Variants in TAF1 observed in about 807,000 individuals in gnomAD.
The protein encoded by TAF1 is TATA-box binding protein associated factor 1, also known as transcription initiation factor TFIID subunit 1.
Under a neutral mutation model 138.5 loss-of-function variants are expected in TAF1, and 2 were observed. The ratio of observed to expected loss-of-function variants is 0.01; its 90% CI spans 0.01 to 0.05. The LOEUF (loss-of-function observed/expected upper bound fraction) is 0.05, where lower values mean the gene tolerates loss of function less well. Among genes scored for constraint, TAF1 ranks in the 10% least tolerant of loss-of-function variants. The probability of loss-of-function intolerance (pLI) is 1.00; values close to 1 mark genes in which losing one functional copy is unlikely to be tolerated. For synonymous variants in TAF1, 437 were observed against 503.2 expected, an observed-to-expected ratio of 0.87 and a Z score of 1.76; for missense variants, 709 against 1,478.0, an observed-to-expected ratio of 0.48 and a Z score of 8.53.
chrX:71,405,462 T>C (rs1447975475), intron 25 of TAF1, among the ~76,000 whole-genome samples: 1 of 111,874 alleles, frequency 8.9e-6, no homozygotes, highest in Non-Finnish European at 1.9e-5. Context: ...GTGATTCTCC[T>C]GCCTTAGCCT....
chrX:71,392,740 G>T, intron 19 of TAF1, 22 bp downstream of exon 19: 1 of 1,189,026 alleles, frequency 8.4e-7, no homozygotes, highest in Non-Finnish European at 1.1e-6. Context: ...TTTATTTCTA[G>T]AATGAAAAAG....
intron 33 of TAF1, among the ~76,000 whole-genome samples, chrX:71,454,540 C>T (rs2038195879): frequency 9.0e-6 from 1 of 111,101 alleles, no homozygotes; most frequent in Non-Finnish European, 1.9e-5. Context: ...CCCTGATTAT[C>T]CTATTTTAAA....
intron 32 of TAF1, among the ~76,000 whole-genome samples, chrX:71,442,480 T>C (rs2037478212): frequency 8.9e-6 from 1 of 112,459 alleles, no homozygotes; most frequent in Non-Finnish European, 1.9e-5. Context: ...AAAGTGTCTG[T>C]TCATATCATT....
chrX:71,459,294 A>G (rs1371827302), intron 35 of TAF1: 1 of 1,117,089 alleles, frequency 9.0e-7, no homozygotes. Flanking sequence ...TTATGCCCTT[A>G]TATGATAGGA....
chrX:71,374,503 G>A, intron 3 of TAF1, among the ~76,000 whole-genome samples: 1 of 111,857 alleles, frequency 8.9e-6, no homozygotes, highest in Middle Eastern at 4.7e-3. Context: ...GTCTTGCTCT[G>A]TCACACGATT....
At chrX:71,381,075 C>T (rs1390163585) in intron 8 of TAF1, among the ~76,000 whole-genome samples, 1 of 111,938 alleles carries the variant, frequency 8.9e-6, no homozygotes, top group Non-Finnish European at 1.9e-5. Flanking sequence ...ATTACTATTA[C>T]GAATGTTTCA....
intron 13 of TAF1, among the ~76,000 whole-genome samples, chrX:71,511,639 C>G: frequency 8.9e-6 from 1 of 112,332 alleles, no homozygotes; most frequent in Non-Finnish European, 1.9e-5. Context: ...TCCAACAGTT[C>G]TCATCGTATC....
chrX:71,449,929 C>T (rs1469997011), intron 32 of TAF1, among the ~76,000 whole-genome samples: 3 of 111,151 alleles, frequency 2.7e-5, no homozygotes, highest in African/African-American at 6.5e-5. Context: ...CACACCACAA[C>T]GCCCAGCTAA....
intron 25 of TAF1, among the ~76,000 whole-genome samples, chrX:71,405,963 G>C (rs1265792062): frequency 8.9e-6 from 1 of 111,866 alleles, no homozygotes; most frequent in Non-Finnish European, 1.9e-5. Flanking sequence ...GCCCAAACTA[G>C]TTTGTTTTCT....
chrX:71,368,306 C>T, intron 3 of TAF1, 136 bp downstream of exon 3: 1 of 574,474 alleles, frequency 1.7e-6, no homozygotes, highest in Non-Finnish European at 2.7e-6. Context: ...CCTCCACTCC[C>T]TTTGTCAGGT....
intron 13 of TAF1, among the ~76,000 whole-genome samples, chrX:71,471,372 C>T (rs2038885190): frequency 9.5e-6 from 1 of 104,949 alleles, no homozygotes; most frequent in Non-Finnish European, 1.9e-5. Context: ...CACACACACA[C>T]ATGAATGGAA....
chrX:71,439,857 A>G (rs2037324815), intron 32 of TAF1, among the ~76,000 whole-genome samples: 1 of 112,135 alleles, frequency 8.9e-6, no homozygotes, highest in African/African-American at 3.2e-5. Context: ...GCTTCCTTCA[A>G]TGGCAATATC....
rs2038712174 is a variant in TAF1, at chrX:71,465,151, G to T, written c.*1105G>T. The T allele has an allele frequency of 9.0e-6, 1 of 111,615 alleles. No homozygotes were observed. The highest frequency in any genetic ancestry group is 3.3e-5 in the African/African-American group (1 of 30,677). 9.2% of individuals were successfully genotyped at this position (111,615 alleles called of 1,213,427 possible). A position where few individuals can be genotyped will look rare whatever the true frequency, so the allele number is the denominator to read the frequency against. On this transcript the variant is annotated 3_prime_UTR_variant, in exon 38 of 38. Transcript: ENST00000423759. ...ACTGAGCATCTGCTTTTCATGATAA[G>T]CACTCTATCAGATCCTTGGGATGCA...
intron 32 of TAF1, among the ~76,000 whole-genome samples, chrX:71,440,572 A>C (rs1482017288): frequency 4.6e-5 from 5 of 108,983 alleles, no homozygotes; most frequent in Non-Finnish European, 9.5e-5. Flanking sequence ...AGGGAGGCAC[A>C]TCTCACACAT....
At chrX:71,504,741 C>CAAAAAAAAAAAAAAAAAAAAAAA (rs41370846) in intron 13 of TAF1, among the ~76,000 whole-genome samples, 2 of 5,704 alleles carry the variant, frequency 3.5e-4, no homozygotes, top group African/African-American at 1.1e-3. Context: ...GACCCTGTCT[C>CAAAAAAAAAAAAAAAAAAAAAAA]AAAAAAAAAA....
At chrX:71,481,828 A>AT (rs753686728) in intron 13 of TAF1, among the ~76,000 whole-genome samples, 1 of 112,404 alleles carries the variant, frequency 8.9e-6, no homozygotes, top group East Asian at 2.8e-4. Context: ...AAGTGCTGGG[A>AT]TTACAGGCAT....
At chrX:71,514,132 C>T (rs1008050548) in intron 13 of TAF1, among the ~76,000 whole-genome samples, 3 of 111,463 alleles carry the variant, frequency 2.7e-5, no homozygotes, top group Non-Finnish European at 3.8e-5. Flanking sequence ...TGAAGGTCCA[C>T]GGCTTCATTC....
intron 13 of TAF1, among the ~76,000 whole-genome samples, chrX:71,495,360 GCC>G (rs2039376880): frequency 8.9e-6 from 1 of 111,768 alleles, no homozygotes; most frequent in Non-Finnish European, 1.9e-5. Context: ...AAAAATACAG[GCC>G]CCTAAGGAGA....
At chrX:71,400,509 C>T (rs1439101605) in intron 24 of TAF1, among the ~76,000 whole-genome samples, 3 of 111,872 alleles carry the variant, frequency 2.7e-5, no homozygotes, top group African/African-American at 9.7e-5. Flanking sequence ...GTAAAACATA[C>T]AAGTTGTTTT....
Sources: gnomAD v4.1 joint callset for allele counts (sites outside exome capture counted in the v4.1 genomes callset) on GRCh38, gnomAD v4.1.1 for gene constraint, MANE v1.5 for transcripts, NCBI Gene and HGNC (gene_info 2026-07-23, HGNC 2026-07-21) for gene names.